Variants in ADGRL3 observed in about 807,000 individuals in gnomAD.
The protein encoded by ADGRL3 is calcium-independent alpha-latrotoxin receptor 3.
In ADGRL3, 62 loss-of-function variants were observed where a neutral mutation model predicts 153.5. The ratio of observed to expected loss-of-function variants is 0.40; its 90% CI spans 0.33 to 0.50. The LOEUF is 0.50. Ranked by LOEUF, ADGRL3 falls within the 20% of genes least tolerant of loss-of-function variation. The probability of loss-of-function intolerance (pLI) is 0.47; values close to 1 mark genes in which losing one functional copy is unlikely to be tolerated. For missense variants in ADGRL3, 1,641 were observed against 1,859.4 expected (o/e 0.88, Z 2.16); for synonymous variants, 710 against 672.5 (o/e 1.06, Z -0.86).
intron 9 of ADGRL3, among the ~76,000 whole-genome samples, chr4:61,890,053 T>A (rs1182631798): frequency 6.6e-6 from 1 of 152,252 alleles, no homozygotes; most frequent in Non-Finnish European, 1.5e-5. Flanking sequence ...AGAGGCATCC[T>A]GAACAAGTTC....
intron 5 of ADGRL3, among the ~76,000 whole-genome samples, chr4:61,671,179 A>C (rs1039394472): frequency 2.0e-5 from 3 of 152,206 alleles, no homozygotes; most frequent in Non-Finnish European, 2.9e-5. Flanking sequence ...ATGTAAATCC[A>C]GCAATATCAT....
At chr4:61,500,064 A>AGAGAG (rs58067932) in intron 3 of ADGRL3, among the ~76,000 whole-genome samples, 4 of 147,168 alleles carry the variant, frequency 2.7e-5, no homozygotes, top group Admixed American at 7.0e-5. Context: ...AGAGAGAGAG[A>AGAGAG]ATATCTCCAA....
chr4:61,781,331 C>CAAAAAAAAAAAAAAAAAA (rs71281828), intron 8 of ADGRL3, among the ~76,000 whole-genome samples: 44 of 64,302 alleles, frequency 6.8e-4, no homozygotes, highest in African/African-American at 2.0e-3. Flanking sequence ...ATTCTGCCTC[C>CAAAAAAAAAAAAAAAAAA]AAAAAAAAAA....
chr4:61,599,896 T>C (rs1479383483), intron 5 of ADGRL3, among the ~76,000 whole-genome samples: 1 of 152,180 alleles, frequency 6.6e-6, no homozygotes, highest in Non-Finnish European at 1.5e-5. Flanking sequence ...TATAAATAAA[T>C]TTTCTGAACT....
intron 8 of ADGRL3, among the ~76,000 whole-genome samples, chr4:61,790,206 A>G (rs1327411107): frequency 6.6e-6 from 1 of 152,236 alleles, no homozygotes; most frequent in Non-Finnish European, 1.5e-5. Flanking sequence ...TTTAAAACAA[A>G]TAGGTTATTT....
rs543805086 is a variant in ADGRL3 at position 61,893,005 on chromosome 4, G to A, written c.1783+47G>A. ...AAGTTAAAACTGTTGTGTTGCTTTGGCTTTATTTTCTAGTATTCTTTTCCT... is the reference window on the plus strand; with the variant it reads ...AAGTTAAAACTGTTGTGTTGCTTTGACTTTATTTTCTAGTATTCTTTTCCT... On this transcript the variant is annotated intron_variant, in intron 10 of 26. Coordinates refer to ENST00000683033, the MANE Select transcript of ADGRL3 (RefSeq NM_001387552.1). 3 of 1,278,864 alleles carry A rather than the reference G, an allele frequency of 2.3e-6. No individual in the cohort carries two copies. The East Asian group carries it at 8.8e-5, about 38-fold the overall frequency. The allele number at this position is 1,278,864 out of a possible 1,614,324, so 79.2% of individuals were successfully genotyped here. A position where few individuals can be genotyped will look rare whatever the true frequency, so the allele number is the denominator to read the frequency against.
intron 1 of ADGRL3, among the ~76,000 whole-genome samples, chr4:61,206,751 A>T (rs1310220090): frequency 2.0e-5 from 3 of 152,100 alleles, no homozygotes; most frequent in African/African-American, 4.8e-5. Context: ...GGAGGCTGAG[A>T]TGGGCAGATC....
At chr4:61,779,055 C>T (rs1298777640) in intron 8 of ADGRL3, among the ~76,000 whole-genome samples, 1 of 142,152 alleles carries the variant, frequency 7.0e-6, no homozygotes, top group Admixed American at 7.0e-5. Flanking sequence ...GAGACTCTGT[C>T]TCAAAAAAAA....
chr4:61,590,987 G>A (rs533211216), intron 5 of ADGRL3, among the ~76,000 whole-genome samples: 21 of 152,182 alleles, frequency 1.4e-4, no homozygotes, highest in African/African-American at 5.1e-4. Context: ...TATCATACGT[G>A]TACACCTCAA....
chr4:61,748,925 C>T (rs113724972), intron 8 of ADGRL3, among the ~76,000 whole-genome samples: 12,106 of 149,986 alleles, frequency 0.081, 982 homozygotes, highest in African/African-American at 0.22. Flanking sequence ...GAACAGGCAA[C>T]CTACAAAATG....
At chr4:61,287,356 T>A (rs112041532) in intron 1 of ADGRL3, among the ~76,000 whole-genome samples, 1,630 of 152,060 alleles carry the variant, frequency 0.011, 19 homozygotes, top group Non-Finnish European at 0.014. Context: ...CCTATCCTGT[T>A]CTAACATATC....
At position 61,779,463 on chromosome 4, in the gene ADGRL3, T is replaced by C. The variant is rs371242137; in HGVS notation, c.1400-34346T>C. Among the ~76,000 whole-genome samples the C allele has an allele frequency of 4.0e-4, 61 of 151,424 alleles. 1 individual carries two copies. Among genetic ancestry groups the C allele is most frequent in the African/African-American group, 1.4e-3 (59 of 41,290 alleles). On this transcript the variant is annotated intron_variant, in intron 8 of 26. Transcript: ENST00000683033. Reference sequence around the variant, plus strand: ...GCCTGGCCAACATGGTGAAACCCTGTTCTCTATTAAAAATACAAAAATTAG... The same window carrying C: ...GCCTGGCCAACATGGTGAAACCCTGCTCTCTATTAAAAATACAAAAATTAG...
chr4:61,329,980 A>G (rs1488467095), intron 1 of ADGRL3, among the ~76,000 whole-genome samples: 1 of 152,184 alleles, frequency 6.6e-6, no homozygotes, highest in African/African-American at 2.4e-5. Context: ...ACTTTGACAC[A>G]TTCTCTTGGC....
At chr4:61,292,805 T>C (rs974294797) in intron 1 of ADGRL3, among the ~76,000 whole-genome samples, 1 of 152,132 alleles carries the variant, frequency 6.6e-6, no homozygotes, top group African/African-American at 2.4e-5. Context: ...TGATGCCTAT[T>C]CTCAAAATGT....
chr4:61,402,609 T>G (rs1465291339), intron 2 of ADGRL3, among the ~76,000 whole-genome samples: 1 of 152,066 alleles, frequency 6.6e-6, no homozygotes, highest in African/African-American at 2.4e-5. Context: ...TCTTTCCCTT[T>G]GCATGCTTTG....
intron 8 of ADGRL3, among the ~76,000 whole-genome samples, chr4:61,768,770 GC>G (rs1229355465): frequency 2.0e-5 from 3 of 151,898 alleles, no homozygotes; most frequent in Non-Finnish European, 4.4e-5. Flanking sequence ...AAGGAGGCAA[GC>G]CCAGAGAAAA....
intron 9 of ADGRL3, among the ~76,000 whole-genome samples, chr4:61,876,723 A>G (rs1257902638): frequency 6.6e-6 from 1 of 151,648 alleles, no homozygotes; most frequent in African/African-American, 2.4e-5. Flanking sequence ...CCTAAAACTT[A>G]AAGTATAATA....
At chr4:61,335,758 C>T (rs530805752) in intron 1 of ADGRL3, among the ~76,000 whole-genome samples, 12 of 152,178 alleles carry the variant, frequency 7.9e-5, no homozygotes, top group East Asian at 3.9e-4. Context: ...CAAATAAATT[C>T]GGTGTATGTG....
intron 9 of ADGRL3, 85 bp downstream of exon 9, chr4:61,813,974 T>C: frequency 1.3e-6 from 2 of 1,515,174 alleles, no homozygotes; most frequent in Non-Finnish European, 1.8e-6. Context: ...TATTTTGTAA[T>C]GCAGTGCCTG....
Sources: gnomAD v4.1 joint callset for allele counts (sites outside exome capture counted in the v4.1 genomes callset) on GRCh38, gnomAD v4.1.1 for gene constraint, MANE v1.5 for transcripts, NCBI Gene and HGNC (gene_info 2026-07-23, HGNC 2026-07-21) for gene names.